Variants in PTPRD observed in about 807,000 individuals in gnomAD.
PTPRD encodes the protein receptor-type tyrosine-protein phosphatase delta.
In PTPRD, 34 loss-of-function variants were observed where a neutral mutation model predicts 214.5. The ratio of observed to expected loss-of-function variants is 0.16; its 90% CI spans 0.12 to 0.21. PTPRD has a LOEUF of 0.21. Ranked by LOEUF, PTPRD falls within the 10% of genes least tolerant of loss-of-function variation. The pLI is 1.00. For synonymous variants in PTPRD, 1,128 were observed against 845.7 expected (o/e 1.33, Z -5.79); for missense variants, 2,545 against 2,398.7 (o/e 1.06, Z -1.27).
intron 10 of PTPRD, among the ~76,000 whole-genome samples, chr9:9,051,172 G>C (rs1337420722): frequency 2.0e-5 from 3 of 151,826 alleles, no homozygotes; most frequent in Non-Finnish European, 4.4e-5. Context: ...TAAAATTATA[G>C]ATTTTAAAAA....
At chr9:8,992,767 T>C (rs906643318) in intron 11 of PTPRD, among the ~76,000 whole-genome samples, 1 of 152,186 alleles carries the variant, frequency 6.6e-6, no homozygotes, top group African/African-American at 2.4e-5. Flanking sequence ...TTTTGTTAGC[T>C]GGTTCTGACT....
intron 5 of PTPRD, among the ~76,000 whole-genome samples, chr9:9,822,681 G>C (rs1165494655): frequency 6.6e-6 from 1 of 151,714 alleles, no homozygotes; most frequent in South Asian, 2.1e-4. Context: ...CTTCATAACA[G>C]AAAATAATCA....
chr9:10,247,946 G>T (rs2092350179), intron 3 of PTPRD, among the ~76,000 whole-genome samples: 1 of 152,012 alleles, frequency 6.6e-6, no homozygotes, highest in African/African-American at 2.4e-5. Context: ...ATTGAATTAT[G>T]GGGGCAGGTT....
chr9:9,124,015 G>T (rs2154466434), intron 10 of PTPRD, among the ~76,000 whole-genome samples: 1 of 152,170 alleles, frequency 6.6e-6, no homozygotes, highest in East Asian at 1.9e-4. Flanking sequence ...GTGGGGTGGG[G>T]GAGGGAGGTT....
At chr9:8,398,556 T>TAATC (rs2091739511) in intron 36 of PTPRD, among the ~76,000 whole-genome samples, 1 of 152,228 alleles carries the variant, frequency 6.6e-6, no homozygotes, top group South Asian at 2.1e-4. Context: ...ATGTTAAACC[T>TAATC]AATCACCACT....
intron 4 of PTPRD, among the ~76,000 whole-genome samples, chr9:10,016,045 T>C (rs1189202004): frequency 6.6e-6 from 1 of 152,184 alleles, no homozygotes; most frequent in Admixed American, 6.5e-5. Flanking sequence ...CAATGACTCC[T>C]ATTGGTCTTT....
In PTPRD at chr9:10,285,767, T is replaced by C. The variant is rs1046722815; in HGVS notation, c.-545+55196A>G. 7.9e-5 allele frequency among the ~76,000 whole-genome samples: 12 copies of C among 152,054 alleles called. No individual in the cohort carries two copies. The South Asian group carries it at 2.3e-3, about 29-fold the overall frequency. On this transcript the variant is annotated intron_variant, in intron 3 of 45. Transcript: ENST00000381196. ...CTGGGATTACAGGCGCCTGCCACCA[T>C]GCCTGGCTAACTTTTTGTATTTTTA...
chr9:8,486,965 T>A (rs897555797), intron 27 of PTPRD, among the ~76,000 whole-genome samples: 5 of 151,982 alleles, frequency 3.3e-5, no homozygotes, highest in African/African-American at 1.2e-4. Context: ...CTTAAATGCT[T>A]AATTGTGCTG....
chr9:8,861,917 A>T (rs1246152993), intron 11 of PTPRD: 1 of 152,238 alleles, frequency 6.6e-6, no homozygotes, highest in Non-Finnish European at 1.5e-5. Flanking sequence ...TAAATACATA[A>T]ATGAAACAAT....
intron 8 of PTPRD, among the ~76,000 whole-genome samples, chr9:9,449,646 C>G (rs2091541876): frequency 6.6e-6 from 1 of 151,984 alleles, no homozygotes; most frequent in South Asian, 2.1e-4. Flanking sequence ...TCCACATTTG[C>G]TCATTCACAT....
intron 5 of PTPRD, among the ~76,000 whole-genome samples, chr9:9,923,740 T>C (rs918833389): frequency 2.0e-5 from 3 of 151,914 alleles, no homozygotes; most frequent in Admixed American, 2.0e-4. Context: ...GGTAAGCTCA[T>C]TGAAGAGAAG....
intron 11 of PTPRD, among the ~76,000 whole-genome samples, chr9:8,784,840 C>T (rs2095872893): frequency 6.6e-6 from 1 of 152,148 alleles, no homozygotes; most frequent in South Asian, 2.1e-4. Context: ...ATACTGCCTC[C>T]ATATCTTACA....
At chr9:8,627,415 C>T (rs138728587) in intron 14 of PTPRD, among the ~76,000 whole-genome samples, 63 of 151,916 alleles carry the variant, frequency 4.1e-4, no homozygotes, top group African/African-American at 1.4e-3. Context: ...TAGGTAAACA[C>T]CAAATTCCCT....
At chr9:8,871,114 C>T (rs1358270974) in intron 11 of PTPRD, among the ~76,000 whole-genome samples, 1 of 152,204 alleles carries the variant, frequency 6.6e-6, no homozygotes, top group Admixed American at 6.5e-5. Flanking sequence ...TGCCCGCTCC[C>T]TTGCTTTCAA....
chr9:10,598,465 T>C (rs1487107538), intron 2 of PTPRD, among the ~76,000 whole-genome samples: 1 of 151,756 alleles, frequency 6.6e-6, no homozygotes, highest in Non-Finnish European at 1.5e-5. Context: ...AAATGTTATA[T>C]GTTTAGGTTA....
At chr9:9,538,837 CTTTTG>C (rs1432403661) in intron 8 of PTPRD, among the ~76,000 whole-genome samples, 3 of 151,752 alleles carry the variant, frequency 2.0e-5, no homozygotes, top group African/African-American at 7.3e-5. Context: ...CAAATTCATA[CTTTTG>C]TTTTGGTTTA....
At chr9:9,150,484 A>G (rs980951277) in intron 10 of PTPRD, among the ~76,000 whole-genome samples, 1 of 147,600 alleles carries the variant, frequency 6.8e-6, no homozygotes, top group Non-Finnish European at 1.5e-5. Flanking sequence ...TATACTATAT[A>G]TATATGTATA....
intron 7 of PTPRD, among the ~76,000 whole-genome samples, chr9:9,604,694 C>A (rs565671007): frequency 2.5e-3 from 373 of 151,806 alleles, no homozygotes; most frequent in Non-Finnish European, 4.5e-3. Flanking sequence ...ATTTTTAAAC[C>A]ATATCTATAT....
At chr9:9,439,963 A>G (rs548445708) in intron 8 of PTPRD, among the ~76,000 whole-genome samples, 1 of 152,322 alleles carries the variant, frequency 6.6e-6, no homozygotes, top group East Asian at 1.9e-4. Flanking sequence ...ATTTATGACC[A>G]TCATCATGAC....
Sources: allele counts gnomAD v4.1 joint callset (sites outside exome capture counted in the v4.1 genomes callset), GRCh38; gene constraint gnomAD v4.1.1; transcripts MANE v1.5; gene names NCBI Gene and HGNC (gene_info 2026-07-23, HGNC 2026-07-21).